Variants in TPH1 observed in about 807,000 individuals in gnomAD.
TPH1 encodes the protein tryptophan 5-hydroxylase 1.
A neutral mutation model predicts 49.5 loss-of-function variants in TPH1; 37 were observed. That is an observed-to-expected ratio of 0.75 (90% CI 0.58 to 0.98). The LOEUF is 0.98. Ranked by LOEUF, TPH1 falls within the 50% of genes least tolerant of loss-of-function variation. The pLI is 0.00. For missense variants in TPH1, 487 were observed against 523.6 expected (o/e 0.93, Z 0.68); for synonymous variants, 160 against 182.1 (o/e 0.88, Z 0.98).
At chr11:18,043,976 G>C (rs949128648) in intron 1 of TPH1, among the ~76,000 whole-genome samples, 2 of 152,042 alleles carry the variant, frequency 1.3e-5, no homozygotes, top group Non-Finnish European at 2.9e-5. Flanking sequence ...ATCCCTTTAG[G>C]GTTCATAATT....
Position 18,019,544 on chromosome 11 carries a change from A to G in TPH1, c.*1447T>C. 2.3e-6 allele frequency: 1 copy of G among 427,320 alleles called. No individual in the cohort carries two copies. Among genetic ancestry groups the G allele is most frequent in the South Asian group, 1.7e-5 (1 of 57,514 alleles). The allele number at this position is 427,320 out of a possible 1,614,324, so 26.5% of individuals were successfully genotyped here. A position where few individuals can be genotyped will look rare whatever the true frequency, so the allele number is the denominator to read the frequency against. ...CATTGGCCTAAATTATGAGACATCT[A>G]CATAGACATCCAGGAGTTCGTTGGA... On this transcript the variant is annotated 3_prime_UTR_variant, in exon 11 of 11. Transcript: ENST00000682019.
At chr11:18,040,527 C>A in intron 2 of TPH1, 119 bp downstream of exon 2, 1 of 995,310 alleles carries the variant, frequency 1.0e-6, no homozygotes, top group Non-Finnish European at 1.4e-6. Context: ...ACCACCACAC[C>A]CAGCTAAATT....
In TPH1 at chr11:18,022,933, T is replaced by C. The variant is rs1854380139; in HGVS notation, c.1027-2A>G. On this transcript the variant is annotated splice_acceptor_variant, in intron 9 of 10. Transcript: ENST00000682019. LOFTEE classifies it high-confidence loss of function. Reference sequence around the variant, plus strand: ...TTTGGCATGTCCAGAAAGTGCATGCTAGAAGACAAAGAGTCAGTGAATCAA... The same window carrying C: ...TTTGGCATGTCCAGAAAGTGCATGCCAGAAGACAAAGAGTCAGTGAATCAA... 4 of 1,613,192 alleles carry C rather than the reference T, an allele frequency of 2.5e-6. No homozygotes were observed. In the African/African-American group the frequency reaches 4.0e-5, roughly 16 times the overall value.
In TPH1 at chr11:18,046,244, G is replaced by A. The variant is rs1848140164; in HGVS notation, c.-30C>T. 1.3e-5 allele frequency among the ~76,000 whole-genome samples: 2 copies of A among 152,154 alleles called. No homozygotes were observed. The highest frequency in any genetic ancestry group is 2.9e-5 in the Non-Finnish European group (2 of 68,034). On this transcript the variant is annotated 5_prime_UTR_variant, in exon 1 of 11. Transcript: ENST00000682019. ...CGGGAAGGGCCGCCTCACTCACCTC[G>A]GGCGCCAGTAGGTGCAGGCTGGGTC... is the stretch of plus-strand genomic sequence containing the variant.
chr11:18,035,274 T>C (rs947945149), intron 3 of TPH1, among the ~76,000 whole-genome samples: 2 of 152,224 alleles, frequency 1.3e-5, no homozygotes, highest in Admixed American at 1.3e-4. Context: ...TTGTGAATTA[T>C]AGGTTTGTCA....
intron 1 of TPH1, chr11:18,042,344 C>T (rs1389658748): frequency 2.2e-6 from 1 of 453,938 alleles, no homozygotes; most frequent in Middle Eastern, 3.3e-4. Context: ...GATGTGAAAA[C>T]TTTCAGAAAC....
In TPH1 at chr11:18,029,516, T is replaced by C. The variant is rs761634022; in HGVS notation, c.466A>G (p.Lys156Glu). 1 of 1,610,266 alleles carries C rather than the reference T, an allele frequency of 6.2e-7. No individual in the cohort carries two copies. Among genetic ancestry groups the C allele is most frequent in the Non-Finnish European group, 8.5e-7 (1 of 1,176,984 alleles). The change falls in exon 5 of 11, where the codon AAA (lysine) becomes GAA (glutamate). Residue 156 changes from lysine to glutamate, a missense_variant. Coordinates refer to ENST00000682019, the MANE Select transcript of TPH1 (RefSeq NM_004179.3). ...KYFADLAMNY[K>E]HGDPIPKVEF... ...TATTTTTTTAAATATACTTACTGTT[T>C]ATAGTTCATAGCCAAGTCCGCAAAA...
chr11:18,032,542 T>A (rs1298309690), intron 4 of TPH1, among the ~76,000 whole-genome samples: 2 of 133,582 alleles, frequency 1.5e-5, no homozygotes, highest in African/African-American at 5.8e-5. Context: ...GAAATCTTTT[T>A]TTTTTTTTTT....
Position 18,033,298 on chromosome 11 carries a change from T to C in TPH1, c.378A>G (p.Gly126=). The change falls in exon 4 of 11, where the codon GGA becomes GGG. Residue 126 remains glycine, a synonymous_variant. Transcript: ENST00000682019. The part of the protein sequence containing the change: ...DHCANRVLMY[G]SELDADHPGF... ...CAGGATGGTCTGCATCTAGTTCAGATCCATACATCAGAACTCTGTTGGCAC... is the reference window on the plus strand; with the variant it reads ...CAGGATGGTCTGCATCTAGTTCAGACCCATACATCAGAACTCTGTTGGCAC... 6.2e-7 allele frequency: 1 copy of C among 1,613,914 alleles called. No individual in the cohort carries two copies. The highest frequency in any genetic ancestry group is 1.3e-5 in the African/African-American group (1 of 75,020).
chr11:18,031,242 C>T (rs375736237), intron 4 of TPH1, among the ~76,000 whole-genome samples: 3 of 152,144 alleles, frequency 2.0e-5, no homozygotes, highest in African/African-American at 7.2e-5. Context: ...TCACTAGCTT[C>T]TTTCATTCAT....
At position 18,019,717 on chromosome 11, in the gene TPH1, G is replaced by T. The variant is rs1237156059; in HGVS notation, c.*1274C>A. Reference sequence around the variant, plus strand: ...AGTAGAAGTGCAAAGACAGAAACTTGAAGAACATCTTCATTTAGTGACTAG... The same window carrying T: ...AGTAGAAGTGCAAAGACAGAAACTTTAAGAACATCTTCATTTAGTGACTAG... On this transcript the variant is annotated 3_prime_UTR_variant, in exon 11 of 11. Coordinates refer to ENST00000682019, the MANE Select transcript of TPH1 (RefSeq NM_004179.3). 1 of 462,114 alleles carries T rather than the reference G, an allele frequency of 2.2e-6. No individual in the cohort carries two copies. Among genetic ancestry groups the T allele is most frequent in the Non-Finnish European group, 4.4e-6 (1 of 229,786 alleles). 28.6% of individuals were successfully genotyped at this position (462,114 alleles called of 1,614,324 possible).
intron 1 of TPH1, chr11:18,041,442 A>G (rs911203993): frequency 6.6e-6 from 1 of 152,272 alleles, no homozygotes; most frequent in African/African-American, 2.4e-5. Flanking sequence ...GACATATCTA[A>G]TCATTGGCCT....
At chr11:18,021,754 C>A (rs1418852960) in intron 10 of TPH1, among the ~76,000 whole-genome samples, 1 of 152,040 alleles carries the variant, frequency 6.6e-6, no homozygotes, top group African/African-American at 2.4e-5. Context: ...GACCTAAATT[C>A]TGCCCCTTTT....
At chr11:18,029,102 AAT>A in intron 6 of TPH1, 61 bp downstream of exon 6, 2 of 1,102,970 alleles carry the variant, frequency 1.8e-6, no homozygotes, top group South Asian at 1.4e-5. Context: ...AAAAAAAAAA[AAT>A]GCTGTCATGA....
chr11:18,039,456 A>T (rs1184866315), intron 2 of TPH1, among the ~76,000 whole-genome samples: 1 of 152,236 alleles, frequency 6.6e-6, no homozygotes, highest in South Asian at 2.1e-4. Flanking sequence ...ACCAGAGCTT[A>T]ACCACAGTGG....
At position 18,034,111 on chromosome 11, in the gene TPH1, T is replaced by A. The variant is rs554556647; in HGVS notation, c.302-737A>T. ...TACCTGTTTATATGTCTGTCTTACATGAAAGACTGGAAACAACTGTAGGGT... is the reference window on the plus strand; with the variant it reads ...TACCTGTTTATATGTCTGTCTTACAAGAAAGACTGGAAACAACTGTAGGGT... On this transcript the variant is annotated intron_variant, in intron 3 of 10. Transcript: ENST00000682019. 5.3e-5 allele frequency among the ~76,000 whole-genome samples: 8 copies of A among 152,354 alleles called. No individual in the cohort carries two copies. In the South Asian group the frequency reaches 1.7e-3, roughly 32 times the overall value.
intron 6 of TPH1, among the ~76,000 whole-genome samples, chr11:18,028,824 G>C (rs544667123): frequency 6.6e-6 from 1 of 152,208 alleles, no homozygotes; most frequent in East Asian, 1.9e-4. Context: ...CAGCACTTTG[G>C]GAGGCTGAGG....
At chr11:18,031,140 T>A (rs1404923854) in intron 4 of TPH1, among the ~76,000 whole-genome samples, 1 of 152,172 alleles carries the variant, frequency 6.6e-6, no homozygotes, top group East Asian at 1.9e-4. Flanking sequence ...CCTCCTCAGC[T>A]CCTGGCAACC....
chr11:18,024,965 T>A (rs1193115402), intron 8 of TPH1, among the ~76,000 whole-genome samples: 1 of 152,188 alleles, frequency 6.6e-6, no homozygotes, highest in Non-Finnish European at 1.5e-5. Flanking sequence ...GATGTCCTTC[T>A]CCCAGGAAAC....
Sources: gnomAD v4.1 joint callset for allele counts (sites outside exome capture counted in the v4.1 genomes callset) on GRCh38, gnomAD v4.1.1 for gene constraint, MANE v1.5 for transcripts, NCBI Gene and HGNC (gene_info 2026-07-23, HGNC 2026-07-21) for gene names.